The following OPHN1 variants were observed in gnomAD, a reference collection of about 807,000 sequenced individuals.
The protein encoded by OPHN1 is oligophrenin-1.
OPHN1 carries 11 observed loss-of-function variants against 60.7 expected under a neutral mutation model. The ratio of observed to expected loss-of-function variants is 0.18; its 90% CI spans 0.11 to 0.30. The LOEUF (loss-of-function observed/expected upper bound fraction) is 0.30, where lower values mean the gene tolerates loss of function less well. Among genes scored for constraint, OPHN1 ranks in the 10% least tolerant of loss-of-function variants. OPHN1 has a pLI of 1.00. For synonymous variants in OPHN1, 226 were observed against 222.6 expected, an observed-to-expected ratio of 1.02 and a Z score of -0.14; for missense variants, 449 against 611.0, an observed-to-expected ratio of 0.73 and a Z score of 2.80.
At chrX:68,050,413 T>C (rs1222335128) in intron 23 of OPHN1, among the ~76,000 whole-genome samples, 2 of 112,031 alleles carry the variant, frequency 1.8e-5, no homozygotes, top group Admixed American at 9.5e-5. Flanking sequence ...GCTTTGGCCA[T>C]AGCCCTTGTA....
intron 15 of OPHN1, among the ~76,000 whole-genome samples, chrX:68,174,784 T>C (rs1195326551): frequency 9.1e-6 from 1 of 110,246 alleles, no homozygotes; most frequent in African/African-American, 3.3e-5. Flanking sequence ...GAATGGTTAG[T>C]TTAAAATCCA....
At chrX:68,383,329 C>T (rs1224594197) in intron 2 of OPHN1, among the ~76,000 whole-genome samples, 4 of 110,279 alleles carry the variant, frequency 3.6e-5, no homozygotes, top group East Asian at 2.9e-4. Flanking sequence ...TGGTGGCTCA[C>T]GCCTACAATC....
At chrX:68,187,829 A>T (rs760675713) in intron 15 of OPHN1, among the ~76,000 whole-genome samples, 2 of 111,470 alleles carry the variant, frequency 1.8e-5, no homozygotes, top group Non-Finnish European at 3.8e-5. Flanking sequence ...GGGTTTCACC[A>T]TGTTAGCCAG....
intron 15 of OPHN1, among the ~76,000 whole-genome samples, chrX:68,168,782 G>C (rs1043909634): frequency 9.0e-6 from 1 of 111,069 alleles, no homozygotes; most frequent in African/African-American, 3.3e-5. Context: ...AGAAAAGAGA[G>C]AAGAATCAAA....
rs1003613920 is a variant in OPHN1, at chrX:68,149,470, G to T, written c.1277-30138C>A. 8.1e-5 allele frequency among the ~76,000 whole-genome samples: 9 copies of T among 111,461 alleles called. No individual in the cohort carries two copies. The East Asian group carries it at 2.5e-3, about 31-fold the overall frequency. On this transcript the variant is annotated intron_variant, in intron 15 of 24. Coordinates refer to ENST00000355520, the MANE Select transcript of OPHN1 (RefSeq NM_002547.3). Reference sequence around the variant, plus strand: ...ATTTATATATACCCTGTCTTCTCCAGTTGTGAAGGAAAAATAAGATGAACA... The same window carrying T: ...ATTTATATATACCCTGTCTTCTCCATTTGTGAAGGAAAAATAAGATGAACA...
chrX:68,089,760 G>A lies in OPHN1; in HGVS notation c.1686+7110C>T, dbSNP rs1212270088. On this transcript the variant is annotated intron_variant, in intron 19 of 24. Coordinates refer to ENST00000355520, the MANE Select transcript of OPHN1 (RefSeq NM_002547.3). ...CCTACATTTATCACCCTATCTCATT[G>A]GGTTTGGACATGCTTATTCACCTCA... 4.5e-5 allele frequency among the ~76,000 whole-genome samples: 5 copies of A among 111,339 alleles called. No individual in the cohort carries two copies. The East Asian group carries it at 1.4e-3, about 32-fold the overall frequency.
At chrX:68,427,260 T>A (rs2078864715) in intron 2 of OPHN1, among the ~76,000 whole-genome samples, 1 of 107,236 alleles carries the variant, frequency 9.3e-6, no homozygotes, top group Non-Finnish European at 1.9e-5. Flanking sequence ...CACAGTGAAC[T>A]CTGTCTCAAA....
At chrX:68,160,329 T>C (rs1249752730) in intron 15 of OPHN1, among the ~76,000 whole-genome samples, 2 of 111,147 alleles carry the variant, frequency 1.8e-5, no homozygotes, top group East Asian at 5.6e-4. Context: ...TCCACAATAA[T>C]AGTTGCACAC....
intron 2 of OPHN1, among the ~76,000 whole-genome samples, chrX:68,322,989 G>A (rs5965549): frequency 0.081 from 9,042 of 111,389 alleles, 916 homozygotes; most frequent in African/African-American, 0.28. Context: ...TGGAGAGCAT[G>A]TTCTTAGTTG....
At chrX:68,255,509 C>T (rs992853973) in intron 5 of OPHN1, among the ~76,000 whole-genome samples, 3 of 111,466 alleles carry the variant, frequency 2.7e-5, no homozygotes, top group African/African-American at 9.8e-5. Flanking sequence ...AGTAGTCTTG[C>T]GGATATGTGG....
At chrX:68,093,442 G>T (rs1414199188) in intron 19 of OPHN1, among the ~76,000 whole-genome samples, 1 of 111,421 alleles carries the variant, frequency 9.0e-6, no homozygotes, top group African/African-American at 3.3e-5. Context: ...AAATGCCCAG[G>T]AGTGTAAATG....
In OPHN1 at chrX:68,432,871, C is replaced by T; in HGVS notation, c.150G>A (p.Met50Ile). 1.7e-6 allele frequency: 2 copies of T among 1,211,955 alleles called. No homozygotes were observed. Among genetic ancestry groups the T allele is most frequent in the Non-Finnish European group, 2.2e-6 (2 of 895,447 alleles). Residue 50 changes from methionine to isoleucine, a missense_variant, in exon 2 of 25, where the codon ATG (methionine) becomes ATA (isoleucine). Transcript: ENST00000355520. ...TCATCGAAGCCTTGCACTTACTTCT[C>T]ATAGCGCTGATAAGCGCGTTGCCGT... Reference protein sequence around the residue: ...IKDGNALISAMRNYSSAVQKF... With the variant: ...IKDGNALISAIRNYSSAVQKF...
In OPHN1 at chrX:68,379,823, G is replaced by A. The variant is rs188431908; in HGVS notation, c.154+53044C>T. ...TAAGCTTTTTGATGTGCTGGATTCC[G>A]TTTGCCAGTATTTTATTGAGGATTT... On this transcript the variant is annotated intron_variant, in intron 2 of 24. Transcript: ENST00000355520. Among the ~76,000 whole-genome samples the A allele has an allele frequency of 5.7e-4, 60 of 105,255 alleles. 1 individual carries two copies. In the South Asian group the frequency reaches 0.016, roughly 28 times the overall value. 91.4% of individuals were successfully genotyped at this position (105,255 alleles called of 115,157 possible).
intron 2 of OPHN1, among the ~76,000 whole-genome samples, chrX:68,408,482 T>C (rs1348909985): frequency 8.9e-6 from 1 of 112,033 alleles, no homozygotes; most frequent in African/African-American, 3.2e-5. Context: ...CACGGAATAG[T>C]GCACAGCGAA....
chrX:68,412,454 A>G (rs2078773915), intron 2 of OPHN1, among the ~76,000 whole-genome samples: 1 of 111,572 alleles, frequency 9.0e-6, no homozygotes, highest in Non-Finnish European at 1.9e-5. Context: ...AAAGACAGAA[A>G]GTAGAACAAT....
intron 2 of OPHN1, among the ~76,000 whole-genome samples, chrX:68,402,382 AG>A (rs1319267311): frequency 2.5e-4 from 12 of 48,352 alleles, no homozygotes; most frequent in South Asian, 2.0e-3. Context: ...GAAGAAGAAG[AG>A]AGAAAGAAGA....
chrX:68,325,170 G>A (rs1247599621), intron 2 of OPHN1, among the ~76,000 whole-genome samples: 3 of 110,931 alleles, frequency 2.7e-5, no homozygotes, highest in African/African-American at 9.8e-5. Flanking sequence ...ATAAAGTCAT[G>A]CAATTCTAAT....
At chrX:68,197,057 C>G (rs2077515816) in intron 12 of OPHN1, 129 bp downstream of exon 12, 6 of 531,773 alleles carry the variant, frequency 1.1e-5, no homozygotes, top group Admixed American at 2.9e-5. Flanking sequence ...GGAAACAATT[C>G]CTTACAGCTC....
At chrX:68,273,148 T>G (rs1012965316) in intron 5 of OPHN1, among the ~76,000 whole-genome samples, 2 of 111,865 alleles carry the variant, frequency 1.8e-5, no homozygotes, top group Non-Finnish European at 3.8e-5. Flanking sequence ...TGGTGGCTCA[T>G]GCCTGTAATA....
Sources: gnomAD v4.1 joint callset for allele counts (sites outside exome capture counted in the v4.1 genomes callset) on GRCh38, gnomAD v4.1.1 for gene constraint, MANE v1.5 for transcripts, NCBI Gene and HGNC (gene_info 2026-07-23, HGNC 2026-07-21) for gene names.